Variants in CHRM5 observed in about 807,000 individuals in gnomAD.
CHRM5 encodes the protein muscarinic acetylcholine receptor M5.
Under a neutral mutation model 39.0 loss-of-function variants are expected in CHRM5, and 18 were observed. The ratio of observed to expected loss-of-function variants is 0.46; its 90% CI spans 0.32 to 0.68. The LOEUF (loss-of-function observed/expected upper bound fraction) is 0.68, where lower values mean the gene tolerates loss of function less well. CHRM5 is among the 30% of genes least tolerant of loss of function. CHRM5 has a pLI of 0.04. For synonymous variants in CHRM5, 241 were observed against 246.3 expected (o/e 0.98, Z 0.20); for missense variants, 515 against 651.1 (o/e 0.79, Z 2.28).
At chr15:34,007,810 G>A (rs1897423468) in intron 1 of CHRM5, among the ~76,000 whole-genome samples, 3 of 152,212 alleles carry the variant, frequency 2.0e-5, no homozygotes, top group Admixed American at 2.0e-4. Flanking sequence ...CTTTCTGGAA[G>A]TTCTGAGGGA....
intron 1 of CHRM5, among the ~76,000 whole-genome samples, chr15:33,983,162 GTGTGTGTGTA>G (rs1896240610): frequency 1.1e-4 from 10 of 87,204 alleles, no homozygotes; most frequent in Admixed American, 6.8e-4. Flanking sequence ...GTGTGTGTAT[GTGTGTGTGTA>G]TATATACACA....
At chr15:34,057,112 C>T (rs956630083) in intron 2 of CHRM5, among the ~76,000 whole-genome samples, 33 of 150,124 alleles carry the variant, frequency 2.2e-4, no homozygotes, top group African/African-American at 8.0e-4. Flanking sequence ...AGGCTCATTC[C>T]TACCAGGAGA....
chr15:33,970,746 G>T (rs983991392), intron 1 of CHRM5, among the ~76,000 whole-genome samples: 4 of 151,898 alleles, frequency 2.6e-5, no homozygotes, highest in Admixed American at 6.6e-5. Context: ...AATTAAAGGG[G>T]GCAGATAACA....
intron 1 of CHRM5, among the ~76,000 whole-genome samples, chr15:34,013,530 T>C (rs2684953): frequency 0.64 from 97,878 of 152,152 alleles, 36,903 homozygotes; most frequent in Non-Finnish European, 0.85. Flanking sequence ...AAATTGCCAA[T>C]ATTCATTTAA....
chr15:34,044,666 C>G, intron 1 of CHRM5, among the ~76,000 whole-genome samples: 1 of 152,172 alleles, frequency 6.6e-6, no homozygotes, highest in East Asian at 1.9e-4. Flanking sequence ...AACCCCATAG[C>G]CTGTGGCAGG....
intron 1 of CHRM5, among the ~76,000 whole-genome samples, chr15:34,004,922 G>C (rs988656143): frequency 6.6e-6 from 1 of 151,854 alleles, no homozygotes; most frequent in Non-Finnish European, 1.5e-5. Context: ...AAAAAAATGA[G>C]TAAAATTATT....
At position 34,067,187 on chromosome 15, in the gene CHRM5, A is replaced by C. The variant is rs1156331072; in HGVS notation, c.*2871A>C. The C allele has an allele frequency of 6.6e-6, 1 of 152,212 alleles. No homozygotes were observed. Among genetic ancestry groups the C allele is most frequent in the East Asian group, 1.9e-4 (1 of 5,192 alleles). 9.4% of individuals were successfully genotyped at this position (152,212 alleles called of 1,614,324 possible). A position where few individuals can be genotyped will look rare whatever the true frequency, so the allele number is the denominator to read the frequency against. On this transcript the variant is annotated 3_prime_UTR_variant, in exon 3 of 3. Coordinates refer to ENST00000383263, the MANE Select transcript of CHRM5 (RefSeq NM_012125.4). ...TTTCCCCTTGGCTGTGAATTTGATG[A>C]CTTGTCAGGGAATCTGTTTTCCATT...
intron 1 of CHRM5, among the ~76,000 whole-genome samples, chr15:33,992,924 A>C (rs546444474): frequency 2.6e-4 from 39 of 152,376 alleles, no homozygotes; most frequent in African/African-American, 9.4e-4. Context: ...AAAAATATGC[A>C]CAGACAACAA....
At chr15:34,027,758 T>C (rs1465589219) in intron 1 of CHRM5, among the ~76,000 whole-genome samples, 1 of 151,030 alleles carries the variant, frequency 6.6e-6, no homozygotes, top group Non-Finnish European at 1.5e-5. Flanking sequence ...ACCAGAGAGT[T>C]TGTCAAAAAC....
At chr15:33,992,392 A>AAAAAAAG (rs1413977647) in intron 1 of CHRM5, among the ~76,000 whole-genome samples, 1 of 152,206 alleles carries the variant, frequency 6.6e-6, no homozygotes. Flanking sequence ...TCCGTCTCAA[A>AAAAAAAG]AAAAAAGAAA....
chr15:34,024,472 CAAAA>C (rs10531898), intron 1 of CHRM5, among the ~76,000 whole-genome samples: 12 of 101,912 alleles, frequency 1.2e-4, no homozygotes, highest in South Asian at 3.1e-4. Context: ...GACCCTGTCT[CAAAA>C]AAAAAAAAAA....
Position 34,062,841 on chromosome 15 carries a change from C to T in CHRM5, c.124C>T (p.Leu42=), listed in dbSNP as rs770776737. 1 of 1,614,226 alleles carries T rather than the reference C, an allele frequency of 6.2e-7. No individual in the cohort carries two copies. The highest frequency in any genetic ancestry group is 1.3e-5 in the African/African-American group (1 of 75,054). Residue 42 remains leucine (L), a synonymous_variant, in exon 3 of 3, where the codon CTG becomes TTG. Transcript: ENST00000383263. ...TIAAVTAVVS[L]ITIVGNVLVM... ...TGCAGCTGTGACTGCTGTGGTAAGCCTGATCACCATTGTGGGCAATGTCTT... is the reference window on the plus strand; with the variant it reads ...TGCAGCTGTGACTGCTGTGGTAAGCTTGATCACCATTGTGGGCAATGTCTT...
chr15:33,982,025 AT>A (rs929766543), intron 1 of CHRM5, among the ~76,000 whole-genome samples: 2 of 144,500 alleles, frequency 1.4e-5, no homozygotes, highest in Admixed American at 6.9e-5. Context: ...TAATTTTTGT[AT>A]TTTTTCTTTT....
intron 1 of CHRM5, among the ~76,000 whole-genome samples, chr15:33,979,998 TC>T (rs1291073918): frequency 1.3e-5 from 2 of 152,168 alleles, no homozygotes; most frequent in African/African-American, 2.4e-5. Flanking sequence ...AATAATCAGC[TC>T]ACTTTTTCAC....
intron 1 of CHRM5, among the ~76,000 whole-genome samples, chr15:33,970,713 C>A (rs1027768289): frequency 9.9e-5 from 15 of 151,808 alleles, no homozygotes; most frequent in Non-Finnish European, 2.2e-4. Context: ...TTCTACTATG[C>A]TCAATTTGCT....
intron 1 of CHRM5, among the ~76,000 whole-genome samples, chr15:34,013,441 A>T (rs1190112458): frequency 6.6e-6 from 1 of 152,102 alleles, no homozygotes; most frequent in East Asian, 1.9e-4. Context: ...TTTAAGTACA[A>T]CTCTAAGTGG....
chr15:34,012,683 T>C (rs992519569), intron 1 of CHRM5, among the ~76,000 whole-genome samples: 1 of 152,244 alleles, frequency 6.6e-6, no homozygotes, highest in Non-Finnish European at 1.5e-5. Context: ...ATCAGACCAT[T>C]AAATAGCTGT....
In CHRM5 at chr15:34,038,215, A is replaced by G. The variant is rs549641149; in HGVS notation, c.-407-8325A>G. Among the ~76,000 whole-genome samples the G allele has an allele frequency of 6.3e-4, 96 of 152,204 alleles. 1 individual carries two copies. Among genetic ancestry groups the G allele is most frequent in the Admixed American group, 2.2e-3 (33 of 15,286 alleles). ...GAGAACTACGCTATTACAAAGAACT[A>G]TGCATCTGGTCCCGCCCCCAAATAC... On this transcript the variant is annotated intron_variant, in intron 1 of 2. Coordinates refer to ENST00000383263, the MANE Select transcript of CHRM5 (RefSeq NM_012125.4).
At chr15:34,059,064 C>G (rs1900251622) in intron 2 of CHRM5, among the ~76,000 whole-genome samples, 1 of 151,864 alleles carries the variant, frequency 6.6e-6, no homozygotes, top group Non-Finnish European at 1.5e-5. Flanking sequence ...GCCCAGCTAA[C>G]TTTTGCATTT....
Sources: gnomAD v4.1 joint callset for allele counts (sites outside exome capture counted in the v4.1 genomes callset) on GRCh38, gnomAD v4.1.1 for gene constraint, MANE v1.5 for transcripts, NCBI Gene and HGNC (gene_info 2026-07-23, HGNC 2026-07-21) for gene names.